Variants in NDUFA13 observed in about 807,000 individuals in gnomAD.
NDUFA13 encodes the protein NADH:ubiquinone oxidoreductase subunit A13.
In NDUFA13, 16 loss-of-function variants were observed where a neutral mutation model predicts 17.0. That is an observed-to-expected ratio of 0.94 (90% CI 0.64 to 1.43). The LOEUF is 1.43. Ranked by LOEUF, NDUFA13 falls within the 40% of genes most tolerant of loss-of-function variation. The pLI, the probability that NDUFA13 is intolerant of heterozygous loss-of-function variation, is 0.00. For synonymous variants in NDUFA13, 87 were observed against 78.4 expected (o/e 1.11, Z -0.58); for missense variants, 228 against 206.7 (o/e 1.10, Z -0.63).
Position 19,528,124 on chromosome 19 carries a change from T to C in NDUFA13, c.433T>C (p.Ter145GlnextTer?), listed in dbSNP as rs2061114416. ...CAGCCACGGCTTCATGTGGTACACG[T>C]AGGCCCTGTGCCCTCCGGCCACCTG... ...HASHGFMWYT[*>Q] The change falls in exon 5 of 5, where the codon TAG becomes CAG. Residue 145 changes from the stop codon to glutamine, a stop_lost. Coordinates refer to ENST00000507754, the MANE Select transcript of NDUFA13 (RefSeq NM_015965.7). The C allele has an allele frequency of 6.2e-7, 1 of 1,611,576 alleles. No homozygotes were observed. The highest frequency in any genetic ancestry group is 8.5e-7 in the Non-Finnish European group (1 of 1,179,956).
Position 19,526,187 on chromosome 19 carries a change from A to G in NDUFA13, c.100A>G (p.Ser34Gly), listed in dbSNP as rs2061098828. 1.2e-6 allele frequency: 2 copies of G among 1,614,002 alleles called. No individual in the cohort carries two copies. The highest frequency in any genetic ancestry group is 1.7e-6 in the Non-Finnish European group (2 of 1,179,984). ...NLPRRGLSGY[S>G]MLAIGIGTLI... ...AGCAGCGCCTCTCTTCACAGGCTAC[A>G]GCATGCTGGCCATAGGGATTGGAAC... The change falls in exon 2 of 5, where the codon AGC (serine) becomes GGC (glycine). Residue 34 changes from serine (S) to glycine (G), a missense_variant. Transcript: ENST00000507754.
intron 1 of NDUFA13, among the ~76,000 whole-genome samples, chr19:19,519,045 A>ATTTT (rs71170693): frequency 5.2e-5 from 6 of 114,914 alleles, no homozygotes; most frequent in African/African-American, 7.6e-5. Flanking sequence ...GGCCCGGCCT[A>ATTTT]TTTTTTTTTT....
chr19:19,527,165 T>TCCC, intron 2 of NDUFA13, 116 bp from the exon 3 acceptor site: 7 of 470,756 alleles, frequency 1.5e-5, no homozygotes, highest in South Asian at 4.6e-5. Context: ...CCTGCCTGCC[T>TCCC]CCCCGCCCCC....
intron 1 of NDUFA13, among the ~76,000 whole-genome samples, chr19:19,518,879 A>C (rs1252140314): frequency 6.6e-6 from 1 of 150,976 alleles, no homozygotes; most frequent in Admixed American, 6.6e-5. Context: ...AATAGCTAGG[A>C]TTACAGGCAT....
intron 1 of NDUFA13, among the ~76,000 whole-genome samples, chr19:19,518,495 A>G (rs574839162): frequency 6.6e-6 from 1 of 151,724 alleles, no homozygotes; most frequent in East Asian, 2.0e-4. Context: ...TCGGCCTCCC[A>G]AAGTGCTAAT....
intron 1 of NDUFA13, among the ~76,000 whole-genome samples, chr19:19,520,797 C>A (rs761239066): frequency 6.6e-6 from 1 of 152,216 alleles, no homozygotes; most frequent in South Asian, 2.1e-4. Flanking sequence ...AAACACTAAT[C>A]TGCTTCCTTC....
intron 1 of NDUFA13, among the ~76,000 whole-genome samples, chr19:19,517,501 C>T (rs577215765): frequency 3.9e-5 from 6 of 152,158 alleles, no homozygotes; most frequent in Middle Eastern, 3.4e-3. Context: ...CATGAGCTAC[C>T]GTGCTCGGCA....
intron 1 of NDUFA13, among the ~76,000 whole-genome samples, chr19:19,519,207 C>T (rs542472085): frequency 1.2e-4 from 18 of 152,152 alleles, no homozygotes; most frequent in African/African-American, 2.7e-4. Flanking sequence ...CATTCTTCTC[C>T]GGTGTAACCT....
At position 19,518,729 on chromosome 19, in the gene NDUFA13, A is replaced by ATTTTTTTTTTT. The variant is rs566386690; in HGVS notation, c.94+2416_94+2426dup. Among the ~76,000 whole-genome samples, 31 of 34,126 alleles carry ATTTTTTTTTTT rather than the reference A, an allele frequency of 9.1e-4. 1 individual carries two copies. The highest frequency in any genetic ancestry group is 0.036 in the Middle Eastern group (1 of 28). The allele number at this position is 34,126 out of a possible 152,430, so 22.4% of individuals were successfully genotyped here. On this transcript the variant is annotated intron_variant, in intron 1 of 4. Transcript: ENST00000507754. Reference sequence around the variant, plus strand: ...CAGGTGGGCGCCACCATGCCCTGCGATTTTTTTTTTTTTTTTTTTTTTTTT... The same window carrying ATTTTTTTTTTT: ...CAGGTGGGCGCCACCATGCCCTGCGATTTTTTTTTTTTTTTTTTTTTTTTTTTTTTTTTTTT...
At chr19:19,525,661 G>A (rs1297213105) in intron 1 of NDUFA13, among the ~76,000 whole-genome samples, 1 of 152,190 alleles carries the variant, frequency 6.6e-6, no homozygotes, top group Non-Finnish European at 1.5e-5. Flanking sequence ...GGCCCCACTG[G>A]TGCTCAGTAA....
rs753594158 is a variant in NDUFA13, at chr19:19,528,130, C to T, written c.*4C>T. The stretch of plus-strand genomic sequence containing the variant: ...CGGCTTCATGTGGTACACGTAGGCC[C>T]TGTGCCCTCCGGCCACCTGGATCCC... On this transcript the variant is annotated 3_prime_UTR_variant, in exon 5 of 5. Coordinates refer to ENST00000507754, the MANE Select transcript of NDUFA13 (RefSeq NM_015965.7). 52 of 1,611,242 alleles carry T rather than the reference C, an allele frequency of 3.2e-5. No individual in the cohort carries two copies. The Admixed American group carries it at 4.5e-4, about 14-fold the overall frequency.
chr19:19,526,091 G>A, intron 1 of NDUFA13, 91 bp from the exon 2 acceptor site: 3 of 1,564,834 alleles, frequency 1.9e-6, no homozygotes, highest in Non-Finnish European at 2.6e-6. Context: ...AGCCGCCAGT[G>A]TCCCCTGATT....
intron 1 of NDUFA13, among the ~76,000 whole-genome samples, chr19:19,519,941 G>C (rs2061068942): frequency 6.6e-6 from 1 of 151,078 alleles, no homozygotes; most frequent in South Asian, 2.1e-4. Flanking sequence ...CCCAGGACAT[G>C]ATGGGCTGGC....
chr19:19,519,158 T>C (rs1164719499), intron 1 of NDUFA13, among the ~76,000 whole-genome samples: 1 of 150,854 alleles, frequency 6.6e-6, no homozygotes, highest in Non-Finnish European at 1.5e-5. Context: ...CCCAAAGTGC[T>C]GGTATTACAG....
At chr19:19,524,812 AAATT>A (rs2061093337) in intron 1 of NDUFA13, among the ~76,000 whole-genome samples, 1 of 152,018 alleles carries the variant, frequency 6.6e-6, no homozygotes, top group Admixed American at 6.6e-5. Context: ...TCTCAAAAAT[AAATT>A]AATTAAAAAA....
intron 1 of NDUFA13, among the ~76,000 whole-genome samples, chr19:19,519,243 C>T (rs1029120270): frequency 2.0e-5 from 3 of 152,106 alleles, no homozygotes; most frequent in East Asian, 3.9e-4. Flanking sequence ...TTCAGGTGTG[C>T]AGCACAAGGT....
Position 19,527,333 on chromosome 19 carries a change from C to T in NDUFA13, c.226C>T (p.Gln76Ter). ...EARIALLPLL[Q>*]AETDRRTLQM... is the part of the protein sequence containing the mutation. The stretch of plus-strand genomic sequence containing the variant: ...TCGCATCGCGCTGTTGCCACTGTTA[C>T]AGGCAGAAACCGACCGGAGGTAGCA... Residue 76 changes from glutamine (Q) to a stop codon, truncating the protein, a stop_gained, in exon 3 of 5, where the codon CAG becomes TAG. Transcript: ENST00000507754. LOFTEE classifies it high-confidence loss of function. 1 of 1,613,932 alleles carries T rather than the reference C, an allele frequency of 6.2e-7. No homozygotes were observed. Among genetic ancestry groups the T allele is most frequent in the Non-Finnish European group, 8.5e-7 (1 of 1,180,016 alleles).
At chr19:19,526,049 G>T (rs1256436515) in intron 1 of NDUFA13, 133 bp from the exon 2 acceptor site, 1 of 1,528,536 alleles carries the variant, frequency 6.5e-7, no homozygotes, top group South Asian at 1.2e-5. Flanking sequence ...GGGGGCAGAG[G>T]TGTCACAGTC....
intron 1 of NDUFA13, among the ~76,000 whole-genome samples, chr19:19,519,823 T>C (rs2061068213): frequency 6.6e-6 from 1 of 151,828 alleles, no homozygotes; most frequent in African/African-American, 2.4e-5. Context: ...CACAGTGGCC[T>C]TCCCACCAGA....
Sources: gnomAD v4.1 joint callset for allele counts (sites outside exome capture counted in the v4.1 genomes callset) on GRCh38, gnomAD v4.1.1 for gene constraint, MANE v1.5 for transcripts, NCBI Gene and HGNC (gene_info 2026-07-23, HGNC 2026-07-21) for gene names.